The following NTM variants were observed in gnomAD, a reference collection of about 807,000 sequenced individuals.
NTM encodes neurotrimin.
NTM carries 13 observed loss-of-function variants against 42.1 expected under a neutral mutation model. The ratio of observed to expected loss-of-function variants is 0.31; its 90% CI spans 0.20 to 0.49. NTM has a LOEUF of 0.49. Ranked by LOEUF, NTM falls within the 20% of genes least tolerant of loss-of-function variation. The pLI is 0.99. For synonymous variants in NTM, 187 were observed against 179.2 expected (o/e 1.04, Z -0.35); for missense variants, 373 against 452.8 (o/e 0.82, Z 1.60).
intron 4 of NTM, among the ~76,000 whole-genome samples, chr11:132,290,228 T>C (rs78773000): frequency 0.026 from 3,884 of 152,212 alleles, 175 homozygotes; most frequent in African/African-American, 0.087. Flanking sequence ...TTAAAAATAA[T>C]AGCAGTAAGA....
At chr11:132,314,487 A>G (rs1015628702) in intron 6 of NTM, 65 bp from the exon 7 acceptor site, 3 of 1,527,442 alleles carry the variant, frequency 2.0e-6, no homozygotes, top group African/African-American at 2.8e-5. Flanking sequence ...CCCTGGGCCT[A>G]TCTTCTTCCT....
chr11:131,997,710 T>G (rs2068339017), intron 2 of NTM, among the ~76,000 whole-genome samples: 1 of 152,170 alleles, frequency 6.6e-6, no homozygotes, highest in Admixed American at 6.5e-5. Flanking sequence ...GTCACAATAA[T>G]TGGAAGATGC....
intron 2 of NTM, among the ~76,000 whole-genome samples, chr11:132,141,451 AG>A: frequency 6.6e-6 from 1 of 152,194 alleles, no homozygotes; most frequent in Admixed American, 6.5e-5. Flanking sequence ...TATTCATCAG[AG>A]AGATATTCAG....
At chr11:131,537,488 A>G (rs541246296) in intron 1 of NTM, 1 of 152,334 alleles carries the variant, frequency 6.6e-6, no homozygotes, top group African/African-American at 2.4e-5. Flanking sequence ...CCCAGGTGCC[A>G]TCTTGGGAAG....
intron 2 of NTM, among the ~76,000 whole-genome samples, chr11:132,087,960 G>A (rs1054881146): frequency 2.6e-5 from 4 of 152,142 alleles, no homozygotes; most frequent in Middle Eastern, 3.2e-3. Flanking sequence ...TTGGGTCCCC[G>A]GCATTGGCTG....
intron 1 of NTM, among the ~76,000 whole-genome samples, chr11:131,811,198 C>T (rs1051610282): frequency 6.6e-6 from 1 of 152,104 alleles, no homozygotes; most frequent in Non-Finnish European, 1.5e-5. Context: ...TTGAGAATTG[C>T]TGTTCTGGTC....
intron 1 of NTM, among the ~76,000 whole-genome samples, chr11:131,773,402 C>A (rs1322903999): frequency 2.0e-5 from 3 of 152,230 alleles, no homozygotes; most frequent in Non-Finnish European, 4.4e-5. Flanking sequence ...CAAACCATAG[C>A]ACTAGGGTGC....
At chr11:131,932,531 C>G (rs1001701820) in intron 2 of NTM, among the ~76,000 whole-genome samples, 3 of 152,146 alleles carry the variant, frequency 2.0e-5, no homozygotes, top group Admixed American at 1.3e-4. Flanking sequence ...GAATGTTGAT[C>G]TTCATTTATC....
chr11:131,911,448 C>T, intron 1 of NTM, 116 bp from the exon 2 acceptor site: 1 of 1,613,624 alleles, frequency 6.2e-7, no homozygotes, highest in Non-Finnish European at 8.5e-7. Flanking sequence ...TGCCGTGCGG[C>T]TGCCGGAGTT....
intron 2 of NTM, among the ~76,000 whole-genome samples, chr11:131,963,217 A>C (rs1226225044): frequency 6.6e-6 from 1 of 152,138 alleles, no homozygotes; most frequent in East Asian, 1.9e-4. Flanking sequence ...CCAGCTCGCC[A>C]TGCTCCCCAA....
intron 1 of NTM, among the ~76,000 whole-genome samples, chr11:131,717,265 C>G (rs1375898364): frequency 6.6e-6 from 1 of 152,094 alleles, no homozygotes; most frequent in Non-Finnish European, 1.5e-5. Flanking sequence ...CCAATTTCTA[C>G]TAAAAAATTT....
At chr11:131,792,387 C>T (rs887212735) in intron 1 of NTM, among the ~76,000 whole-genome samples, 3 of 152,094 alleles carry the variant, frequency 2.0e-5, no homozygotes, top group Non-Finnish European at 2.9e-5. Context: ...ATAGTATGTT[C>T]TCAGATTTCT....
chr11:132,109,970 C>T (rs1244961185), intron 2 of NTM, among the ~76,000 whole-genome samples: 2 of 152,210 alleles, frequency 1.3e-5, no homozygotes, highest in East Asian at 1.9e-4. Flanking sequence ...CTGACAGGCT[C>T]CTGCTTACCA....
chr11:132,316,252 GCAAA>G lies in NTM; in HGVS notation c.934+1556_934+1559del, dbSNP rs553087036. Among the ~76,000 whole-genome samples the G allele has an allele frequency of 3.6e-3, 544 of 152,256 alleles. 1 individual carries two copies. The highest frequency in any genetic ancestry group is 6.2e-3 in the Non-Finnish European group (424 of 68,022). On this transcript the variant is annotated intron_variant, in intron 7 of 8. Coordinates refer to ENST00000683400, the MANE Select transcript of NTM (RefSeq NM_001352005.2). ...CTCAGGATGAGAATAGGGAGAAGCAGCAAACAAACAGTTCTCGTAAGAGTTGAAT... is the reference window on the plus strand; with the variant it reads ...CTCAGGATGAGAATAGGGAGAAGCAGCAAACAGTTCTCGTAAGAGTTGAAT...
intron 1 of NTM, among the ~76,000 whole-genome samples, chr11:131,731,966 A>G (rs2079752793): frequency 6.6e-6 from 1 of 152,194 alleles, no homozygotes; most frequent in South Asian, 2.1e-4. Flanking sequence ...GTCTTGGTAG[A>G]GCAGAGTGGT....
chr11:131,436,261 C>T (rs942178875), intron 1 of NTM, among the ~76,000 whole-genome samples: 5 of 151,942 alleles, frequency 3.3e-5, no homozygotes, highest in African/African-American at 4.8e-5. Context: ...TTTTTTGTTG[C>T]GTCTCTGCCA....
At chr11:131,481,542 G>A (rs188741507) in intron 1 of NTM, among the ~76,000 whole-genome samples, 38 of 152,208 alleles carry the variant, frequency 2.5e-4, no homozygotes, top group African/African-American at 8.0e-4. Context: ...AACATGAGCC[G>A]TGCTGCTAAG....
chr11:131,846,083 A>G (rs984915708), intron 1 of NTM, among the ~76,000 whole-genome samples: 3 of 152,186 alleles, frequency 2.0e-5, no homozygotes, highest in Non-Finnish European at 2.9e-5. Context: ...TTTAAACATC[A>G]CATGTATAAT....
chr11:131,807,633 T>C (rs1248777309), intron 1 of NTM, among the ~76,000 whole-genome samples: 1 of 152,200 alleles, frequency 6.6e-6, no homozygotes, highest in Admixed American at 6.5e-5. Flanking sequence ...TAGAAAGATC[T>C]CAATAAGTGT....
Sources: gnomAD v4.1 joint callset for allele counts (sites outside exome capture counted in the v4.1 genomes callset) on GRCh38, gnomAD v4.1.1 for gene constraint, MANE v1.5 for transcripts, NCBI Gene and HGNC (gene_info 2026-07-23, HGNC 2026-07-21) for gene names.